SLC27A6: variants seen among roughly 807,000 people sequenced by gnomAD.
SLC27A6 encodes the protein solute carrier family 27 member 6.
SLC27A6 carries 74 observed loss-of-function variants against 63.9 expected under a neutral mutation model. The observed-to-expected ratio is 1.16, with a 90% CI of 0.96 to 1.40. The LOEUF (loss-of-function observed/expected upper bound fraction) is 1.40. Ranked by LOEUF, SLC27A6 falls within the 40% of genes most tolerant of loss-of-function variation. The pLI is 0.00. For missense variants in SLC27A6, 794 were observed against 732.9 expected (o/e 1.08, Z -0.96); for synonymous variants, 287 against 260.8 (o/e 1.10, Z -0.97).
Position 129,028,408 on chromosome 5 carries a change from A to G in SLC27A6, c.1518A>G (p.Ile506Met), listed in dbSNP as rs1752315103. The change falls in exon 8 of 10, where the codon ATA becomes ATG. Residue 506 changes from isoleucine to methionine, a missense_variant. Physicochemically the swap from Ile to Met is conservative, Grantham distance 10. Transcript: ENST00000262462. ...ATGTTATTGGAATGTTGGATTTCAT[A>G]CAGGAAGCAAACGTCTATGGTGTGG... ...VADVIGMLDF[I>M]QEANVYGVAI... 6.2e-7 allele frequency: 1 copy of G among 1,608,816 alleles called. No individual in the cohort carries two copies. The highest frequency in any genetic ancestry group is 1.3e-5 in the African/African-American group (1 of 74,716).
chr5:129,029,451 C>T (rs749495782), intron 8 of SLC27A6, 126 bp from the exon 9 acceptor site: 12 of 626,080 alleles, frequency 1.9e-5, no homozygotes, highest in Non-Finnish European at 3.2e-5. Context: ...CTAGTTTATG[C>T]TCCTGTTGTC....
intron 4 of SLC27A6, among the ~76,000 whole-genome samples, chr5:129,009,271 A>T (rs1323141624): frequency 6.6e-6 from 1 of 152,202 alleles, no homozygotes; most frequent in Non-Finnish European, 1.5e-5. Context: ...CTCTAGAAGT[A>T]AGCATCTTTA....
At chr5:129,007,683 C>A (rs1324936744) in intron 4 of SLC27A6, among the ~76,000 whole-genome samples, 3 of 151,814 alleles carry the variant, frequency 2.0e-5, no homozygotes, top group Non-Finnish European at 4.4e-5. Flanking sequence ...TATCCATCTC[C>A]CTCTCCTCAA....
intron 4 of SLC27A6, among the ~76,000 whole-genome samples, chr5:129,002,057 A>G (rs1389211593): frequency 6.6e-6 from 1 of 152,216 alleles, no homozygotes; most frequent in African/African-American, 2.4e-5. Flanking sequence ...GTATCATCAC[A>G]TCAATTTGAT....
intron 4 of SLC27A6, among the ~76,000 whole-genome samples, chr5:129,008,264 A>G (rs936200175): frequency 1.3e-5 from 2 of 152,150 alleles, no homozygotes; most frequent in Admixed American, 1.3e-4. Flanking sequence ...GATCTTGGAC[A>G]TTAGAGAAAT....
intron 4 of SLC27A6, among the ~76,000 whole-genome samples, chr5:129,008,608 G>A (rs1013935309): frequency 1.3e-5 from 2 of 152,194 alleles, no homozygotes; most frequent in Non-Finnish European, 2.9e-5. Flanking sequence ...AATGGCAGTG[G>A]AAAATCCAAG....
chr5:129,031,052 T>C (rs1164194859), intron 9 of SLC27A6, among the ~76,000 whole-genome samples: 3 of 151,984 alleles, frequency 2.0e-5, no homozygotes, highest in Non-Finnish European at 4.4e-5. Context: ...AGAGTTTTTT[T>C]CCAAGGCAAC....
At chr5:128,972,097 C>G (rs911004627) in intron 1 of SLC27A6, among the ~76,000 whole-genome samples, 2 of 152,158 alleles carry the variant, frequency 1.3e-5, no homozygotes, top group African/African-American at 4.8e-5. Flanking sequence ...GGCCCCCATT[C>G]TCTTCTGGCT....
chr5:129,010,008 T>C (rs959322701), intron 4 of SLC27A6, among the ~76,000 whole-genome samples: 1 of 152,194 alleles, frequency 6.6e-6, no homozygotes, highest in Non-Finnish European at 1.5e-5. Context: ...TAATAACATG[T>C]TACGTGTTTT....
intron 1 of SLC27A6, among the ~76,000 whole-genome samples, chr5:128,966,982 A>T (rs1365350141): frequency 2.0e-5 from 3 of 152,180 alleles, no homozygotes; most frequent in African/African-American, 7.2e-5. Flanking sequence ...TGACACGTCT[A>T]CCTACCTCTA....
chr5:128,987,729 G>A (rs1750837550), intron 2 of SLC27A6, among the ~76,000 whole-genome samples: 1 of 152,044 alleles, frequency 6.6e-6, no homozygotes, highest in Non-Finnish European at 1.5e-5. Context: ...GGAAACCAGT[G>A]ATTCTGTCCA....
At position 128,985,217 on chromosome 5, in the gene SLC27A6, G is replaced by T. The variant is rs1321809359; in HGVS notation, c.566G>T (p.Gly189Val). 1 of 1,613,902 alleles carries T rather than the reference G, an allele frequency of 6.2e-7. No individual in the cohort carries two copies. The highest frequency in any genetic ancestry group is 8.5e-7 in the Non-Finnish European group (1 of 1,179,878). ...GGGATGAAAGATTCTGTTCCACAAG[G>T]TGTAATTTCACTCAAAGAAAAACTG... ...VWGMKDSVPQ[G>V]VISLKEKLST... Residue 189 changes from glycine (G) to valine (V), a missense_variant, in exon 2 of 10, where the codon GGT (glycine) becomes GTT (valine). By Grantham distance (109) the Gly-to-Val change is moderately radical. Coordinates refer to ENST00000262462, the MANE Select transcript of SLC27A6 (RefSeq NM_001017372.3).
intron 9 of SLC27A6, 42 bp from the exon 10 acceptor site, chr5:129,033,064 A>G: frequency 7.5e-7 from 1 of 1,338,522 alleles, no homozygotes; most frequent in South Asian, 1.3e-5. Context: ...TATATATTAT[A>G]GTTATTAAAT....
Position 128,966,634 on chromosome 5 carries a change from T to G in SLC27A6, c.481+16T>G. The stretch of plus-strand genomic sequence containing the variant: ...GTGGGCGCAGGTAGAGTATGGGGTG[T>G]GGTCTGCCTATACAGAATGGCAGCC... On this transcript the variant is annotated intron_variant, in intron 1 of 9. Coordinates refer to ENST00000262462, the MANE Select transcript of SLC27A6 (RefSeq NM_001017372.3). The G allele has an allele frequency of 6.7e-7, 1 of 1,499,702 alleles. No homozygotes were observed. The highest frequency in any genetic ancestry group is 8.8e-7 in the Non-Finnish European group (1 of 1,132,726). The allele number at this position is 1,499,702 out of a possible 1,614,324, so 92.9% of individuals were successfully genotyped here. A position where few individuals can be genotyped will look rare whatever the true frequency, so the allele number is the denominator to read the frequency against.
chr5:128,983,350 T>G (rs990626048), intron 1 of SLC27A6, among the ~76,000 whole-genome samples: 1 of 135,104 alleles, frequency 7.4e-6, no homozygotes, highest in Non-Finnish European at 1.5e-5. Flanking sequence ...TGGAGTACAA[T>G]GGCGTGATCT....
intron 1 of SLC27A6, among the ~76,000 whole-genome samples, chr5:128,984,590 T>C (rs1750722345): frequency 6.6e-6 from 1 of 152,216 alleles, no homozygotes; most frequent in African/African-American, 2.4e-5. Flanking sequence ...TTCTCAGTCT[T>C]CACCTCTCTC....
rs368986615 is a variant in SLC27A6 at position 128,988,597 on chromosome 5, C to T, written c.686-3C>T. 6.4e-5 allele frequency: 104 copies of T among 1,612,502 alleles called. No homozygotes were observed. Among genetic ancestry groups the T allele is most frequent in the Non-Finnish European group, 8.6e-5 (102 of 1,179,332 alleles). On this transcript the variant is annotated splice_polypyrimidine_tract_variant and splice_region_variant and intron_variant, in intron 2 of 9. Coordinates refer to ENST00000262462, the MANE Select transcript of SLC27A6 (RefSeq NM_001017372.3). The stretch of plus-strand genomic sequence containing the variant: ...TATTTCCTGTTCTTTTCTTTTCTTC[C>T]AGGTCTACCAAAAGCAGCTGTGATT...
chr5:128,999,630 C>T (rs982973588), intron 4 of SLC27A6, among the ~76,000 whole-genome samples: 3 of 152,162 alleles, frequency 2.0e-5, no homozygotes, highest in Admixed American at 6.6e-5. Flanking sequence ...ACTTTTTACA[C>T]CCCGCTAGTT....
chr5:128,967,589 G>A (rs1335977967), intron 1 of SLC27A6, among the ~76,000 whole-genome samples: 3 of 152,058 alleles, frequency 2.0e-5, no homozygotes, highest in Non-Finnish European at 4.4e-5. Context: ...GATCTCTAAG[G>A]TATAGAACTT....
Sources: allele counts gnomAD v4.1 joint callset (sites outside exome capture counted in the v4.1 genomes callset), GRCh38; gene constraint gnomAD v4.1.1; transcripts MANE v1.5; gene names NCBI Gene and HGNC (gene_info 2026-07-23, HGNC 2026-07-21).